Variants in HMCN1 observed in about 807,000 individuals in gnomAD.
HMCN1 encodes hemicentin 1, also known as hemicentin-1.
Under a neutral mutation model 625.9 loss-of-function variants are expected in HMCN1, and 321 were observed. The observed-to-expected ratio is 0.51, with a 90% CI of 0.47 to 0.56. HMCN1 has a LOEUF of 0.56. Ranked by LOEUF, HMCN1 falls within the 20% of genes least tolerant of loss-of-function variation. The pLI is 0.00. For synonymous variants in HMCN1, 2,425 were observed against 2,417.6 expected, an observed-to-expected ratio of 1.00 and a Z score of -0.09; for missense variants, 6,588 against 6,887.3, an observed-to-expected ratio of 0.96 and a Z score of 1.54.
chr1:186,161,228 GA>G (rs1651451464), intron 97 of HMCN1, among the ~76,000 whole-genome samples: 8 of 150,898 alleles, frequency 5.3e-5, no homozygotes, highest in Admixed American at 5.3e-4. Flanking sequence ...TTTTATCAGA[GA>G]CTAGGATTGC....
chr1:186,052,373 C>A (rs1450637300), intron 42 of HMCN1, among the ~76,000 whole-genome samples: 1 of 151,968 alleles, frequency 6.6e-6, no homozygotes, highest in African/African-American at 2.4e-5. Context: ...GACTCCAGCG[C>A]CTTTGAGAAA....
intron 1 of HMCN1, among the ~76,000 whole-genome samples, chr1:185,834,278 C>T (rs1661038923): frequency 6.6e-6 from 1 of 152,168 alleles, no homozygotes; most frequent in Admixed American, 6.5e-5. Context: ...GGGCCAGGAG[C>T]CCTAGCACTA....
At chr1:185,745,876 A>G (rs1293561457) in intron 1 of HMCN1, among the ~76,000 whole-genome samples, 2 of 152,220 alleles carry the variant, frequency 1.3e-5, no homozygotes, top group East Asian at 3.8e-4. Flanking sequence ...GAGAGAGTGC[A>G]GACTGAGAAA....
At chr1:186,067,749 AC>A in intron 49 of HMCN1, 84 bp from the exon 50 acceptor site, 1 of 897,470 alleles carries the variant, frequency 1.1e-6, no homozygotes. Context: ...ATGAAATTAT[AC>A]AAATACATAT....
Position 185,886,654 on chromosome 1 carries a change from T to G in HMCN1, c.621+20791T>G, listed in dbSNP as rs1403498065. Among the ~76,000 whole-genome samples the G allele has an allele frequency of 2.0e-5, 3 of 152,226 alleles. No individual in the cohort carries two copies. The East Asian group carries it at 5.8e-4, about 29-fold the overall frequency. Reference sequence around the variant, plus strand: ...TTAGTTTTACATATGGAATGTATCATAAAGATATATTATGGAAAATTTTAT... The same window carrying G: ...TTAGTTTTACATATGGAATGTATCAGAAAGATATATTATGGAAAATTTTAT... On this transcript the variant is annotated intron_variant, in intron 4 of 106. Coordinates refer to ENST00000271588, the MANE Select transcript of HMCN1 (RefSeq NM_031935.3).
intron 1 of HMCN1, among the ~76,000 whole-genome samples, chr1:185,804,660 C>T (rs1437633565): frequency 6.6e-6 from 1 of 152,104 alleles, no homozygotes; most frequent in Non-Finnish European, 1.5e-5. Flanking sequence ...CCTTCTACCT[C>T]TCCTTCCAAC....
chr1:186,015,577 C>T, intron 31 of HMCN1, 140 bp downstream of exon 31: 1 of 870,186 alleles, frequency 1.1e-6, no homozygotes, highest in Non-Finnish European at 1.8e-6. Context: ...GAATTTGTTC[C>T]ATGATTTGGA....
At chr1:185,788,831 A>C (rs1657798327) in intron 1 of HMCN1, among the ~76,000 whole-genome samples, 1 of 152,040 alleles carries the variant, frequency 6.6e-6, no homozygotes, top group Admixed American at 6.6e-5. Flanking sequence ...AGTTTAATTT[A>C]TTCAGTAAAA....
intron 4 of HMCN1, among the ~76,000 whole-genome samples, chr1:185,903,002 T>C (rs77349643): frequency 0.012 from 1,775 of 151,494 alleles, 37 homozygotes; most frequent in African/African-American, 0.041. Flanking sequence ...AAAAAAAAGA[T>C]TCAGTGAGAG....
rs184749003 is a variant in HMCN1 at position 185,859,809 on chromosome 1, A to G, written c.340-4661A>G. Among the ~76,000 whole-genome samples the G allele has an allele frequency of 3.3e-3, 507 of 151,936 alleles. 4 individuals are homozygous for G. Among genetic ancestry groups the G allele is most frequent in the African/African-American group, 9.2e-3 (381 of 41,448 alleles). On this transcript the variant is annotated intron_variant, in intron 2 of 106. Transcript: ENST00000271588. ...GCCTCCTGAGTAGCTGGGACTAGGC[A>G]CATGTTGCCATGCCTGGCTAATTTT...
chr1:186,149,660 T>C (rs1650551820), intron 93 of HMCN1, among the ~76,000 whole-genome samples: 1 of 152,258 alleles, frequency 6.6e-6, no homozygotes, highest in Non-Finnish European at 1.5e-5. Context: ...GGCCTAGCTT[T>C]TGGCCTACAT....
rs1383284802 is a variant in HMCN1 at position 185,990,323 on chromosome 1, C to T, written c.3257C>T (p.Pro1086Leu). The T allele has an allele frequency of 6.2e-7, 1 of 1,613,970 alleles. No homozygotes were observed. The highest frequency in any genetic ancestry group is 1.7e-5 in the Admixed American group (1 of 60,022). Residue 1086 changes from proline to leucine, a missense_variant, in exon 22 of 107, where the codon CCT becomes CTT. This residue lies in a region of HMCN1 where 4,628 missense variants were observed against 4,853.1 expected (regional missense o/e 0.95). Transcript: ENST00000271588. ...GDQRGLSQDK[P>L]VEISVLAGEE... The stretch of plus-strand genomic sequence containing the variant: ...CAACGAGGACTGTCCCAGGATAAGC[C>T]TGTTGAGATCTCCGTCCTTGCAGGG...
chr1:185,958,843 A>T (rs1649810607), intron 11 of HMCN1, among the ~76,000 whole-genome samples: 1 of 152,196 alleles, frequency 6.6e-6, no homozygotes, highest in Non-Finnish European at 1.5e-5. Flanking sequence ...ACATAGTATT[A>T]TTGTGGAAAA....
Position 186,128,058 on chromosome 1 carries a change from G to A in HMCN1, c.12691-20G>A. 1 of 1,604,736 alleles carries A rather than the reference G, an allele frequency of 6.2e-7. No homozygotes were observed. The highest frequency in any genetic ancestry group is 8.5e-7 in the Non-Finnish European group (1 of 1,172,164). On this transcript the variant is annotated intron_variant, in intron 82 of 106. Transcript: ENST00000271588. ...GATGGATGATTATGAAATTTTAAAT[G>A]TTACTTTTTTTAATTTTAGCTGGAG... is the stretch of plus-strand genomic sequence containing the variant.
chr1:185,958,270 C>T (rs1476612866), intron 11 of HMCN1, among the ~76,000 whole-genome samples: 2 of 152,022 alleles, frequency 1.3e-5, no homozygotes. Flanking sequence ...AGGCATGCAC[C>T]ACCACACCAG....
intron 1 of HMCN1, among the ~76,000 whole-genome samples, chr1:185,746,064 G>A (rs552000666): frequency 6.6e-6 from 1 of 152,338 alleles, no homozygotes; most frequent in Non-Finnish European, 1.5e-5. Context: ...TGTCAACTCT[G>A]TGCATTTATA....
rs139145571 is a variant in HMCN1 at position 185,972,919 on chromosome 1, C to G, written c.2371+2426C>G. Among the ~76,000 whole-genome samples, 1,289 of 152,220 alleles carry G rather than the reference C, an allele frequency of 8.5e-3. 23 individuals carry two copies. The highest frequency in any genetic ancestry group is 0.029 in the African/African-American group (1,223 of 41,556). On this transcript the variant is annotated intron_variant, in intron 15 of 106. Transcript: ENST00000271588. ...TCACATCACACTATTGTTACATATTCTAGCAGATATAATATGTAAATGCTA... is the reference window on the plus strand; with the variant it reads ...TCACATCACACTATTGTTACATATTGTAGCAGATATAATATGTAAATGCTA...
chr1:185,806,170 C>T (rs923047550), intron 1 of HMCN1, among the ~76,000 whole-genome samples: 7 of 151,970 alleles, frequency 4.6e-5, no homozygotes, highest in Non-Finnish European at 7.4e-5. Flanking sequence ...AATAACTCTA[C>T]GAAGTAGTTC....
chr1:186,061,186 G>A (rs1657670169), intron 46 of HMCN1, among the ~76,000 whole-genome samples: 1 of 152,086 alleles, frequency 6.6e-6, no homozygotes, highest in Non-Finnish European at 1.5e-5. Context: ...ACTCGAGATT[G>A]GGTAATTTAT....
Sources: gnomAD v4.1 joint callset for allele counts (sites outside exome capture counted in the v4.1 genomes callset) on GRCh38, gnomAD v4.1.1 for gene constraint, gnomAD v4.1.1 regional missense constraint, MANE v1.5 for transcripts, NCBI Gene and HGNC (gene_info 2026-07-23, HGNC 2026-07-21) for gene names.